The following CLSTN2 variants were observed in gnomAD, a reference collection of about 807,000 sequenced individuals.
CLSTN2 encodes calsyntenin-2.
CLSTN2 carries 48 observed loss-of-function variants against 101.2 expected under a neutral mutation model. That is an observed-to-expected ratio of 0.47 (90% CI 0.38 to 0.60). The LOEUF is 0.60. CLSTN2 is among the 20% of genes least tolerant of loss of function. The pLI is 0.00. For synonymous variants in CLSTN2, 481 were observed against 463.6 expected (o/e 1.04, Z -0.48); for missense variants, 1,160 against 1,238.2 (o/e 0.94, Z 0.95).
At chr3:140,423,226 A>G (rs347321) in intron 5 of CLSTN2, among the ~76,000 whole-genome samples, 71,416 of 152,054 alleles carry the variant, frequency 0.47, 16,920 homozygotes, top group East Asian at 0.66. Flanking sequence ...CCTGGTCACA[A>G]TGTTTAACTC....
intron 1 of CLSTN2, among the ~76,000 whole-genome samples, chr3:140,077,703 A>C (rs1335228245): frequency 6.6e-6 from 1 of 151,532 alleles, no homozygotes; most frequent in Admixed American, 6.6e-5. Flanking sequence ...AAAAAAAAAA[A>C]CCTCAAACCT....
intron 4 of CLSTN2, among the ~76,000 whole-genome samples, chr3:140,414,990 A>G (rs1559862842): frequency 1.3e-5 from 2 of 152,140 alleles, no homozygotes; most frequent in African/African-American, 4.8e-5. Context: ...AAACAGACAC[A>G]TAGACCAATG....
At position 140,157,062 on chromosome 3, in the gene CLSTN2, A is replaced by G. The variant is rs72986189; in HGVS notation, c.110-18889A>G. Among the ~76,000 whole-genome samples, 1,087 of 152,298 alleles carry G rather than the reference A, an allele frequency of 7.1e-3. 7 individuals carry two copies. The highest frequency in any genetic ancestry group is 0.025 in the African/African-American group (1,040 of 41,570). On this transcript the variant is annotated intron_variant, in intron 1 of 16. Transcript: ENST00000458420. ...CTTTGTAGAGGATACAGTGTGAAGT[A>G]GATTGACTTCCTAGAAGTGCTCAAT...
intron 1 of CLSTN2, among the ~76,000 whole-genome samples, chr3:140,141,118 G>T (rs2009691040): frequency 6.6e-6 from 1 of 152,202 alleles, no homozygotes; most frequent in South Asian, 2.1e-4. Flanking sequence ...AGGACATAAT[G>T]AAAGCAGAGA....
chr3:140,082,041 C>T lies in CLSTN2; in HGVS notation c.110-93910C>T, dbSNP rs181615479. Among the ~76,000 whole-genome samples the T allele has an allele frequency of 2.6e-5, 4 of 152,306 alleles. No homozygotes were observed. The East Asian group carries it at 7.7e-4, about 29-fold the overall frequency. On this transcript the variant is annotated intron_variant, in intron 1 of 16. Transcript: ENST00000458420. ...CTCCAGCTTTTTGAAGACAACAAGC[C>T]TATTAGAGGTGCTAAAACACCTTAA...
chr3:140,048,303 G>A (rs994537713), intron 1 of CLSTN2, among the ~76,000 whole-genome samples: 9 of 152,166 alleles, frequency 5.9e-5, no homozygotes, highest in Admixed American at 3.3e-4. Context: ...GGGAAATACA[G>A]CCTAGGTCAT....
chr3:140,036,518 G>A (rs1462667738), intron 1 of CLSTN2, among the ~76,000 whole-genome samples: 1 of 151,832 alleles, frequency 6.6e-6, no homozygotes, highest in Admixed American at 6.6e-5. Flanking sequence ...CCAGGGGCAT[G>A]GTCTCAAAAT....
rs546045407 is a variant in CLSTN2, at chr3:140,455,563, G to T, written c.974-3958G>T. Among the ~76,000 whole-genome samples the T allele has an allele frequency of 2.0e-5, 3 of 152,244 alleles. No individual in the cohort carries two copies. The East Asian group carries it at 5.8e-4, about 29-fold the overall frequency. ...AAATCAGATCTCATCCCTGGTTTCA[G>T]TCCCCCAGCACTCAAGCTGCAGCTG... On this transcript the variant is annotated intron_variant, in intron 6 of 16. Transcript: ENST00000458420.
chr3:140,219,827 G>A (rs964229322), intron 2 of CLSTN2, among the ~76,000 whole-genome samples: 4 of 152,138 alleles, frequency 2.6e-5, no homozygotes, highest in African/African-American at 7.2e-5. Flanking sequence ...GTAAAATAGT[G>A]GGGCACAGCA....
intron 2 of CLSTN2, among the ~76,000 whole-genome samples, chr3:140,199,585 C>T (rs935140014): frequency 1.3e-5 from 2 of 152,194 alleles, no homozygotes; most frequent in African/African-American, 2.4e-5. Flanking sequence ...AGGCCCCTGC[C>T]CACCTGGTTA....
rs1440402793 is a variant in CLSTN2, at chr3:140,181,455, T to C, written c.232+5382T>C. On this transcript the variant is annotated intron_variant, in intron 2 of 16. Coordinates refer to ENST00000458420, the MANE Select transcript of CLSTN2 (RefSeq NM_022131.3). ...TTTTTTTTAAAAAAGAGAAAAGTTTTGAGTTTGTTCTAAGGCTTGATCACC... is the reference window on the plus strand; with the variant it reads ...TTTTTTTTAAAAAAGAGAAAAGTTTCGAGTTTGTTCTAAGGCTTGATCACC... Among the ~76,000 whole-genome samples the C allele has an allele frequency of 3.3e-5, 5 of 152,184 alleles. No individual in the cohort carries two copies. The East Asian group carries it at 5.8e-4, about 18-fold the overall frequency.
intron 2 of CLSTN2, among the ~76,000 whole-genome samples, chr3:140,282,733 C>T (rs1029155134): frequency 8.6e-5 from 13 of 152,002 alleles, no homozygotes; most frequent in African/African-American, 2.9e-4. Context: ...GCCAAAGGTG[C>T]CAGAGCTGGT....
At chr3:140,055,869 A>G (rs1387337732) in intron 1 of CLSTN2, among the ~76,000 whole-genome samples, 1 of 152,250 alleles carries the variant, frequency 6.6e-6, no homozygotes, top group Non-Finnish European at 1.5e-5. Flanking sequence ...AAAGGAGGGT[A>G]GAGCCTGAGT....
intron 2 of CLSTN2, among the ~76,000 whole-genome samples, chr3:140,268,528 G>T (rs551323972): frequency 6.6e-6 from 1 of 152,224 alleles, no homozygotes; most frequent in Non-Finnish European, 1.5e-5. Context: ...GAGCTTTCAT[G>T]TGGCACTCTG....
chr3:140,249,649 A>C (rs556578119), intron 2 of CLSTN2, among the ~76,000 whole-genome samples: 21 of 152,140 alleles, frequency 1.4e-4, no homozygotes, highest in Non-Finnish European at 2.9e-4. Context: ...AAAATGGAGG[A>C]TTGGGGGACT....
At chr3:140,432,742 C>T (rs1409605694) in intron 5 of CLSTN2, among the ~76,000 whole-genome samples, 1 of 152,172 alleles carries the variant, frequency 6.6e-6, no homozygotes, top group East Asian at 1.9e-4. Context: ...TGTGGATAAG[C>T]CTGGGTAATG....
At chr3:140,333,795 T>C (rs760704700) in intron 2 of CLSTN2, among the ~76,000 whole-genome samples, 1 of 152,016 alleles carries the variant, frequency 6.6e-6, no homozygotes, top group Non-Finnish European at 1.5e-5. Flanking sequence ...TGTCATAAAA[T>C]AGGTTGGTGA....
intron 1 of CLSTN2, among the ~76,000 whole-genome samples, chr3:140,151,786 C>T (rs1333686871): frequency 4.6e-5 from 7 of 152,224 alleles, no homozygotes; most frequent in Admixed American, 4.6e-4. Context: ...TGTCAGACAC[C>T]TACTGTGCTG....
At chr3:140,271,636 C>T (rs1054315264) in intron 2 of CLSTN2, among the ~76,000 whole-genome samples, 20 of 152,232 alleles carry the variant, frequency 1.3e-4, no homozygotes, top group African/African-American at 4.6e-4. Context: ...TCAGAAGGAC[C>T]CCCCTCTTAT....
Sources: gnomAD v4.1 joint callset for allele counts (sites outside exome capture counted in the v4.1 genomes callset) on GRCh38, gnomAD v4.1.1 for gene constraint, MANE v1.5 for transcripts, NCBI Gene and HGNC (gene_info 2026-07-23, HGNC 2026-07-21) for gene names.